The following ITFG1 variants were observed in gnomAD, a reference collection of about 807,000 sequenced individuals.
ITFG1 encodes integrin alpha FG-GAP repeat containing 1, also known as T-cell immunomodulatory protein.
A neutral mutation model predicts 81.8 loss-of-function variants in ITFG1; 34 were observed. The ratio of observed to expected loss-of-function variants is 0.42; its 90% CI spans 0.32 to 0.55. ITFG1 has a LOEUF of 0.55. Among genes scored for constraint, ITFG1 ranks in the 20% least tolerant of loss-of-function variants. ITFG1 has a pLI of 0.17. For synonymous variants in ITFG1, 285 were observed against 270.6 expected, an observed-to-expected ratio of 1.05 and a Z score of -0.52; for missense variants, 672 against 755.4, an observed-to-expected ratio of 0.89 and a Z score of 1.29.
chr16:47,369,777 A>C (rs1968225656), intron 7 of ITFG1, among the ~76,000 whole-genome samples: 1 of 151,192 alleles, frequency 6.6e-6, no homozygotes, highest in South Asian at 2.1e-4. Context: ...GGTTTTTAGC[A>C]TATCGATCAT....
chr16:47,205,828 T>TTATCTATCTATCTATCTACC (rs1965488127), intron 14 of ITFG1, among the ~76,000 whole-genome samples: 1 of 142,960 alleles, frequency 7.0e-6, no homozygotes, highest in African/African-American at 2.6e-5. Flanking sequence ...TGGAATTAAA[T>TTATCTATCTATCTATCTACC]TATCTATCTA....
At chr16:47,191,399 T>G (rs1392342752) in intron 14 of ITFG1, among the ~76,000 whole-genome samples, 1 of 152,156 alleles carries the variant, frequency 6.6e-6, no homozygotes, top group Non-Finnish European at 1.5e-5. Context: ...TGAGTTTTTT[T>G]TTTTTTTAAT....
rs558376131 is a variant in ITFG1, at chr16:47,432,207, C to T, written c.561-3309G>A. 2.0e-5 allele frequency among the ~76,000 whole-genome samples: 3 copies of T among 152,308 alleles called. No homozygotes were observed. The South Asian group carries it at 6.2e-4, about 32-fold the overall frequency. On this transcript the variant is annotated intron_variant, in intron 5 of 17. Transcript: ENST00000320640. ...ATTCTTCTCTACTGCAGTTAGAAGT[C>T]ACTACCGTTTTCATAGTAATATGTT...
At chr16:47,219,609 C>T (rs1965666749) in intron 13 of ITFG1, among the ~76,000 whole-genome samples, 1 of 152,090 alleles carries the variant, frequency 6.6e-6, no homozygotes, top group African/African-American at 2.4e-5. Context: ...CCTAAGATGA[C>T]AAAATGTTTA....
intron 10 of ITFG1, among the ~76,000 whole-genome samples, chr16:47,283,662 A>G (rs535709369): frequency 2.6e-5 from 4 of 152,242 alleles, no homozygotes; most frequent in Non-Finnish European, 4.4e-5. Flanking sequence ...CAGAAGAACA[A>G]GTGGTGCTAA....
chr16:47,392,378 CTGGAGGTGACAGTG>C (rs1968543326), intron 6 of ITFG1, among the ~76,000 whole-genome samples: 1 of 151,646 alleles, frequency 6.6e-6, no homozygotes. Flanking sequence ...CGTGTAAAGG[CTGGAGGTGACAGTG>C]TGTCTCAAGA....
At chr16:47,395,977 A>C (rs1208548846) in intron 6 of ITFG1, 3 of 157,810 alleles carry the variant, frequency 1.9e-5, no homozygotes, top group Non-Finnish European at 4.1e-5. Context: ...GCTAAATGTC[A>C]TATCAGTCTC....
intron 7 of ITFG1, among the ~76,000 whole-genome samples, chr16:47,367,287 T>G (rs1968189568): frequency 6.6e-6 from 1 of 152,166 alleles, no homozygotes; most frequent in African/African-American, 2.4e-5. Context: ...TCTTTTAGGT[T>G]TTTATGATGG....
At chr16:47,214,639 ATC>A (rs1965603868) in intron 14 of ITFG1, among the ~76,000 whole-genome samples, 2 of 152,166 alleles carry the variant, frequency 1.3e-5, no homozygotes, top group African/African-American at 2.4e-5. Context: ...TATTTTTTAA[ATC>A]TGTTACAGGA....
Position 47,311,328 on chromosome 16 carries a change from T to A in ITFG1, c.982A>T (p.Ile328Leu), listed in dbSNP as rs1207529270. Residue 328 changes from isoleucine to leucine, a missense_variant, in exon 10 of 18, where the codon ATA becomes TTA. Coordinates refer to ENST00000320640, the MANE Select transcript of ITFG1 (RefSeq NM_030790.5). ...PFVDEQQPTE[I>L]PIPITLHIGD... ...ATATGAAGGGTAATTGGAATTGGTA[T>A]TTCAGTTGGTTGCTGTTCATCCACA... 1.2e-6 allele frequency: 2 copies of A among 1,613,668 alleles called. No homozygotes were observed. Among genetic ancestry groups the A allele is most frequent in the Non-Finnish European group, 1.7e-6 (2 of 1,179,692 alleles).
At chr16:47,254,621 A>T (rs977455172) in intron 12 of ITFG1, among the ~76,000 whole-genome samples, 1 of 152,224 alleles carries the variant, frequency 6.6e-6, no homozygotes, top group African/African-American at 2.4e-5. Context: ...CAGAACTTTT[A>T]GTATAAAAGT....
chr16:47,231,265 G>A (rs996748364), intron 13 of ITFG1, among the ~76,000 whole-genome samples: 1 of 152,140 alleles, frequency 6.6e-6, no homozygotes, highest in Admixed American at 6.5e-5. Context: ...CCACGAAGTG[G>A]AAAAAGTCAC....
intron 8 of ITFG1, among the ~76,000 whole-genome samples, chr16:47,348,223 C>T (rs926672023): frequency 2.2e-4 from 33 of 152,116 alleles, no homozygotes; most frequent in Non-Finnish European, 3.1e-4. Flanking sequence ...ATAACTTTGA[C>T]GAGTTAAGAG....
intron 10 of ITFG1, among the ~76,000 whole-genome samples, chr16:47,283,097 ATG>A (rs1036128714): frequency 4.6e-5 from 7 of 152,084 alleles, no homozygotes; most frequent in African/African-American, 1.2e-4. Context: ...ATTGAGTTCC[ATG>A]TATCTATTTT....
chr16:47,344,043 G>A (rs1029099151), intron 8 of ITFG1, among the ~76,000 whole-genome samples: 5 of 152,144 alleles, frequency 3.3e-5, no homozygotes, highest in African/African-American at 1.2e-4. Flanking sequence ...GGCAAATATT[G>A]TAGGATTCCA....
chr16:47,287,863 G>A (rs1966876228), intron 10 of ITFG1, among the ~76,000 whole-genome samples: 2 of 152,126 alleles, frequency 1.3e-5, no homozygotes, highest in Non-Finnish European at 2.9e-5. Flanking sequence ...ACAGTTTAAG[G>A]TGAAAAGTGA....
chr16:47,246,810 A>G (rs764122255), intron 12 of ITFG1, among the ~76,000 whole-genome samples: 7 of 152,038 alleles, frequency 4.6e-5, no homozygotes, highest in Non-Finnish European at 8.8e-5. Flanking sequence ...CCCACCCTTT[A>G]GTTTTCTTTT....
intron 14 of ITFG1, among the ~76,000 whole-genome samples, chr16:47,207,710 C>G (rs1047204871): frequency 1.3e-5 from 2 of 152,168 alleles, no homozygotes; most frequent in African/African-American, 2.4e-5. Context: ...GAACAGAGAT[C>G]CAGAACTTGC....
intron 7 of ITFG1, among the ~76,000 whole-genome samples, chr16:47,371,915 T>C (rs554125702): frequency 0.014 from 1,750 of 128,820 alleles, 15 homozygotes; most frequent in Middle Eastern, 0.036. Context: ...CACTCTCTCT[T>C]TTTTTTTTTT....
Sources: allele counts gnomAD v4.1 joint callset (sites outside exome capture counted in the v4.1 genomes callset), GRCh38; gene constraint gnomAD v4.1.1; transcripts MANE v1.5; gene names NCBI Gene and HGNC (gene_info 2026-07-23, HGNC 2026-07-21).